The following CFAP144 variants were observed in gnomAD, a reference collection of about 807,000 sequenced individuals.
CFAP144 encodes cilia- and flagella-associated protein 144.
chr1:43,145,152 T>A, the CFAP144 span: 1 of 928,632 alleles, frequency 1.1e-6, no homozygotes, highest in Non-Finnish European at 1.7e-6. Flanking sequence ...TCATGCCTGG[T>A]CAGCCAGCCT....
chr1:43,154,671 GA>G, the CFAP144 span, among the ~76,000 whole-genome samples: 31 of 151,972 alleles, frequency 2.0e-4, no homozygotes. Flanking sequence ...AGTGCTAGTG[GA>G]AAAAAATAAA....
At chr1:43,152,348 C>T in the CFAP144 span, among the ~76,000 whole-genome samples, 2 of 152,310 alleles carry the variant, frequency 1.3e-5, no homozygotes, top group East Asian at 3.9e-4. Flanking sequence ...GACCTTTGCT[C>T]TTGCTGCCTG....
chr1:43,153,029 G>T, the CFAP144 span: 1 of 1,453,060 alleles, frequency 6.9e-7, no homozygotes, highest in Non-Finnish European at 9.3e-7. Flanking sequence ...GCCTGGGCTT[G>T]AACCTGGCTA....
the CFAP144 span, chr1:43,148,012 C>A: frequency 3.1e-6 from 5 of 1,613,988 alleles, no homozygotes; most frequent in Admixed American, 5.0e-5. Context: ...CCAGATCTTG[C>A]GGGAACTGTA....
the CFAP144 span, among the ~76,000 whole-genome samples, chr1:43,146,431 A>T: frequency 6.6e-6 from 1 of 152,204 alleles, no homozygotes; most frequent in Non-Finnish European, 1.5e-5. Flanking sequence ...AAGTAACATA[A>T]AAGTAACCTC....
the CFAP144 span, among the ~76,000 whole-genome samples, chr1:43,150,541 A>G: frequency 6.6e-6 from 1 of 152,248 alleles, no homozygotes; most frequent in East Asian, 1.9e-4. Context: ...AAGGAGCCAC[A>G]TGTGGCTGAT....
chr1:43,149,361 C>T, the CFAP144 span, among the ~76,000 whole-genome samples: 1 of 152,238 alleles, frequency 6.6e-6, no homozygotes, highest in Non-Finnish European at 1.5e-5. Context: ...TCCTTTCCCC[C>T]CTGCCATTTC....
chr1:43,152,168 C>T, the CFAP144 span, among the ~76,000 whole-genome samples: 2 of 152,164 alleles, frequency 1.3e-5, no homozygotes, highest in Admixed American at 6.5e-5. Flanking sequence ...TTCCATTGTC[C>T]GCCTGCGTCT....
chr1:43,156,110 G>A, the CFAP144 span: 1 of 952,294 alleles, frequency 1.1e-6, no homozygotes, highest in South Asian at 1.3e-5. Flanking sequence ...CAGGCTGGGA[G>A]GGTGGAGCCT....
chr1:43,149,051 A>C, the CFAP144 span, among the ~76,000 whole-genome samples: 9 of 152,188 alleles, frequency 5.9e-5, no homozygotes, highest in East Asian at 1.5e-3. Flanking sequence ...GATTGGTCTG[A>C]TGGGCTCCCA....
At chr1:43,152,173 G>A in the CFAP144 span, among the ~76,000 whole-genome samples, 5 of 152,172 alleles carry the variant, frequency 3.3e-5, no homozygotes, top group Admixed American at 2.0e-4. Flanking sequence ...TTGTCCGCCT[G>A]CGTCTCTCCG....
At chr1:43,156,299 G>A in the CFAP144 span, 2 of 1,613,606 alleles carry the variant, frequency 1.2e-6, no homozygotes, top group Non-Finnish European at 8.5e-7. Context: ...CTTAGGAGAT[G>A]ATCACCACAA....
chr1:43,148,131 C>T, the CFAP144 span: 1 of 1,514,790 alleles, frequency 6.6e-7, no homozygotes, highest in Non-Finnish European at 8.9e-7. Context: ...GGGAGGGCGC[C>T]GGGGAAGGAG....
At chr1:43,153,010 G>T in the CFAP144 span, 5 of 1,510,086 alleles carry the variant, frequency 3.3e-6, no homozygotes, top group South Asian at 3.7e-5. Context: ...AGAGCAGGGG[G>T]CCAGACATGC....
the CFAP144 span, chr1:43,153,024 G>C: frequency 6.8e-7 from 1 of 1,475,098 alleles, no homozygotes; most frequent in Non-Finnish European, 9.2e-7. Context: ...GACATGCCTG[G>C]GCTTGAACCT....
chr1:43,155,296 A>C, the CFAP144 span, among the ~76,000 whole-genome samples: 4 of 152,256 alleles, frequency 2.6e-5, no homozygotes, highest in African/African-American at 9.6e-5. Flanking sequence ...TTTGTTAAAG[A>C]GTAAAGACCT....
At chr1:43,145,121 TGACAG>T in the CFAP144 span, 47 of 696,976 alleles carry the variant, frequency 6.7e-5, no homozygotes, top group Middle Eastern at 6.6e-4. Flanking sequence ...TCCTTTTTTT[TGACAG>T]TTTGCTCCTT....
At chr1:43,152,662 T>C in the CFAP144 span, 5 of 643,916 alleles carry the variant, frequency 7.8e-6, no homozygotes, top group South Asian at 3.0e-5. Context: ...CACATATTTG[T>C]TGAAAGATGA....
At chr1:43,145,849 A>G in the CFAP144 span, among the ~76,000 whole-genome samples, 4 of 152,240 alleles carry the variant, frequency 2.6e-5, no homozygotes, top group Non-Finnish European at 4.4e-5. Flanking sequence ...AAATTATGGT[A>G]ATTAAGATAG....
Sources: allele counts gnomAD v4.1 joint callset (sites outside exome capture counted in the v4.1 genomes callset), GRCh38; gene constraint gnomAD v4.1.1; transcripts MANE v1.5; gene names NCBI Gene and HGNC (gene_info 2026-07-23, HGNC 2026-07-21).